SIK3: variants seen among roughly 807,000 people sequenced by gnomAD.
The protein encoded by SIK3 is serine/threonine-protein kinase SIK3.
A neutral mutation model predicts 144.2 loss-of-function variants in SIK3; 28 were observed. That is an observed-to-expected ratio of 0.19 (90% confidence interval 0.14 to 0.27). SIK3 has a LOEUF of 0.27. Ranked by LOEUF, SIK3 falls within the 10% of genes least tolerant of loss-of-function variation. The pLI, the probability that SIK3 is intolerant of heterozygous loss-of-function variation, is 1.00. For missense variants in SIK3, 1,319 were observed against 1,776.0 expected (o/e 0.74, Z 4.62); for synonymous variants, 686 against 676.3 (o/e 1.01, Z -0.22).
intron 1 of SIK3, among the ~76,000 whole-genome samples, chr11:117,049,359 C>T (rs183080084): frequency 6.6e-6 from 1 of 152,220 alleles, no homozygotes; most frequent in African/African-American, 2.4e-5. Flanking sequence ...CGGGAGATCA[C>T]TTAAGGTCAG....
At chr11:117,051,859 C>A (rs1230571843) in intron 1 of SIK3, among the ~76,000 whole-genome samples, 1 of 151,176 alleles carries the variant, frequency 6.6e-6, no homozygotes, top group Non-Finnish European at 1.5e-5. Flanking sequence ...ATCCATCTAT[C>A]CAGGCCGGGC....
chr11:116,847,328 G>A, intron 23 of SIK3, 148 bp downstream of exon 23: 4 of 1,115,672 alleles, frequency 3.6e-6, no homozygotes, highest in Non-Finnish European at 5.2e-6. Context: ...GAAGACCAGT[G>A]GGGAAAGGGG....
intron 3 of SIK3, among the ~76,000 whole-genome samples, chr11:116,939,503 C>T (rs761781811): frequency 6.6e-6 from 1 of 152,124 alleles, no homozygotes; most frequent in Admixed American, 6.5e-5. Context: ...TAAAACATTA[C>T]GTAAAAGACT....
At chr11:117,028,812 C>T (rs946780111) in intron 1 of SIK3, among the ~76,000 whole-genome samples, 7 of 152,098 alleles carry the variant, frequency 4.6e-5, no homozygotes, top group Non-Finnish European at 1.0e-4. Flanking sequence ...AGAGAACAGG[C>T]TTTATTTTAC....
intron 1 of SIK3, among the ~76,000 whole-genome samples, chr11:116,967,353 C>T (rs1185395052): frequency 6.6e-6 from 1 of 152,242 alleles, no homozygotes; most frequent in Non-Finnish European, 1.5e-5. Flanking sequence ...ACTGCCGTAA[C>T]ATAATTTTCT....
intron 4 of SIK3, among the ~76,000 whole-genome samples, chr11:116,916,377 C>T (rs959909244): frequency 1.1e-4 from 17 of 152,216 alleles, no homozygotes; most frequent in Admixed American, 6.5e-4. Context: ...TTTCAGAACT[C>T]ATAAATGACA....
chr11:117,015,221 C>T (rs990910089), intron 1 of SIK3, among the ~76,000 whole-genome samples: 2 of 152,054 alleles, frequency 1.3e-5, no homozygotes, highest in African/African-American at 4.8e-5. Context: ...CAGAGAAATG[C>T]AAACTAAAAC....
rs565101147 is a variant in SIK3, at chr11:116,927,326, T to C, written c.509A>G (p.Lys170Arg). 1.7e-5 allele frequency: 28 copies of C among 1,613,936 alleles called. No individual in the cohort carries two copies. The South Asian group carries it at 2.4e-4, about 14-fold the overall frequency. The change falls in exon 4 of 25, where the codon AAA (lysine) becomes AGA (arginine). Residue 170 changes from lysine to arginine, a missense_variant. Coordinates refer to ENST00000445177, the MANE Select transcript of SIK3 (RefSeq NM_001366686.3). ...MAEKEARRKF[K>R]QIVTAVYFCH... ...AAAATAGACAGCTGTGACGATCTGT[T>C]TGAACTTCCGACGTGCCTCCTTTTC... is the stretch of plus-strand genomic sequence containing the variant.
intron 1 of SIK3, among the ~76,000 whole-genome samples, chr11:117,004,562 A>C (rs1207943429): frequency 1.3e-5 from 2 of 152,140 alleles, no homozygotes; most frequent in Non-Finnish European, 2.9e-5. Context: ...CCAAACAGGG[A>C]CCCTGAAAAT....
intron 4 of SIK3, among the ~76,000 whole-genome samples, chr11:116,907,422 G>A (rs146523230): frequency 0.027 from 4,084 of 152,274 alleles, 90 homozygotes; most frequent in South Asian, 0.11. Flanking sequence ...CAAGGCTGGC[G>A]GATCACTTGA....
intron 1 of SIK3, among the ~76,000 whole-genome samples, chr11:116,979,298 T>C (rs1167514509): frequency 6.6e-6 from 1 of 152,240 alleles, no homozygotes; most frequent in African/African-American, 2.4e-5. Context: ...CATTTGTTTC[T>C]ACTCCTGTAA....
chr11:117,010,209 G>A (rs1464637041), intron 1 of SIK3, among the ~76,000 whole-genome samples: 1 of 152,142 alleles, frequency 6.6e-6, no homozygotes, highest in Non-Finnish European at 1.5e-5. Flanking sequence ...AGAAAGGGCA[G>A]CAAATTAAGG....
rs1941825248 is a variant in SIK3, at chr11:116,844,734, T to C, written c.*909A>G. The stretch of plus-strand genomic sequence containing the variant: ...ATATATGGAGAAACAATCCTTTTTA[T>C]AGCACAATATAAAATGAGAATGAAA... On this transcript the variant is annotated 3_prime_UTR_variant, in exon 25 of 25. Transcript: ENST00000445177. 1 of 146,190 alleles carries C rather than the reference T, an allele frequency of 6.8e-6. No individual in the cohort carries two copies. The highest frequency in any genetic ancestry group is 1.5e-5 in the Non-Finnish European group (1 of 67,050). 9.1% of individuals were successfully genotyped at this position (146,190 alleles called of 1,614,324 possible).
intron 16 of SIK3, among the ~76,000 whole-genome samples, chr11:116,862,685 C>T (rs1943414204): frequency 6.6e-6 from 1 of 152,100 alleles, no homozygotes; most frequent in African/African-American, 2.4e-5. Context: ...GGTACATTTC[C>T]TTCCTCTGAG....
intron 4 of SIK3, among the ~76,000 whole-genome samples, chr11:116,906,512 C>T (rs1946044468): frequency 6.6e-6 from 1 of 152,020 alleles, no homozygotes; most frequent in Non-Finnish European, 1.5e-5. Flanking sequence ...AGAGGTACTT[C>T]CTATTCCCTA....
intron 1 of SIK3, among the ~76,000 whole-genome samples, chr11:117,046,798 T>G (rs1465657314): frequency 6.6e-6 from 1 of 152,164 alleles, no homozygotes; most frequent in African/African-American, 2.4e-5. Flanking sequence ...GAGGATTGCT[T>G]TAGCCTGGGA....
intron 1 of SIK3, among the ~76,000 whole-genome samples, chr11:116,960,237 A>G (rs1447595413): frequency 6.6e-6 from 1 of 152,206 alleles, no homozygotes; most frequent in Non-Finnish European, 1.5e-5. Flanking sequence ...TGAAAAGTGA[A>G]GCTTTGGGCC....
At chr11:116,901,923 C>T (rs1262662131) in intron 4 of SIK3, among the ~76,000 whole-genome samples, 1 of 152,182 alleles carries the variant, frequency 6.6e-6, no homozygotes, top group African/African-American at 2.4e-5. Flanking sequence ...AAAATCCCAA[C>T]AACTGAGATT....
chr11:116,981,894 G>A (rs557493305), intron 1 of SIK3, among the ~76,000 whole-genome samples: 1 of 152,252 alleles, frequency 6.6e-6, no homozygotes, highest in South Asian at 2.1e-4. Context: ...GATTCTCCCA[G>A]ACACTGGGAA....
Sources: allele counts gnomAD v4.1 joint callset (sites outside exome capture counted in the v4.1 genomes callset), GRCh38; gene constraint gnomAD v4.1.1; transcripts MANE v1.5; gene names NCBI Gene and HGNC (gene_info 2026-07-23, HGNC 2026-07-21).